The following IMMP2L variants were observed in gnomAD, a reference collection of about 807,000 sequenced individuals.
IMMP2L encodes inner mitochondrial membrane peptidase subunit 2.
A neutral mutation model predicts 19.3 loss-of-function variants in IMMP2L; 18 were observed. The ratio of observed to expected loss-of-function variants is 0.93; its 90% CI spans 0.64 to 1.38. The LOEUF is 1.38. Among genes scored for constraint, IMMP2L ranks in the 40% most tolerant of loss-of-function variants. The pLI is 0.00. For missense variants in IMMP2L, 233 were observed against 218.2 expected (o/e 1.07, Z -0.43); for synonymous variants, 76 against 73.0 (o/e 1.04, Z -0.21).
chr7:111,243,083 C>G (rs975792063), intron 3 of IMMP2L, among the ~76,000 whole-genome samples: 1 of 151,978 alleles, frequency 6.6e-6, no homozygotes, highest in African/African-American at 2.4e-5. Context: ...GTTACTAAAA[C>G]AAAATTCTTA....
At chr7:110,792,679 T>C (rs1039893466) in intron 5 of IMMP2L, among the ~76,000 whole-genome samples, 1 of 152,030 alleles carries the variant, frequency 6.6e-6, no homozygotes, top group Non-Finnish European at 1.5e-5. Context: ...TTCTGACACA[T>C]CATTATCTCC....
rs549686263 is a variant in IMMP2L, at chr7:111,470,051, A to G, written c.239+17187T>C. 7.2e-5 allele frequency among the ~76,000 whole-genome samples: 11 copies of G among 152,304 alleles called. No homozygotes were observed. The South Asian group carries it at 2.3e-3, about 32-fold the overall frequency. On this transcript the variant is annotated intron_variant, in intron 3 of 5. Coordinates refer to ENST00000405709, the MANE Select transcript of IMMP2L (RefSeq NM_032549.4). ...AAGAAAAAAATAAACAACCCCATCA[A>G]AAAGTGGGTGAAGGACATGAACAGA...
At chr7:110,939,321 TTTTC>T (rs1816458442) in intron 4 of IMMP2L, among the ~76,000 whole-genome samples, 1 of 151,636 alleles carries the variant, frequency 6.6e-6, no homozygotes, top group Non-Finnish European at 1.5e-5. Context: ...AAATCTGTGT[TTTTC>T]AGTGTCCCAA....
chr7:111,021,408 A>C (rs968503137), intron 3 of IMMP2L, among the ~76,000 whole-genome samples: 13 of 152,228 alleles, frequency 8.5e-5, no homozygotes, highest in Admixed American at 2.6e-4. Context: ...GTCTGTTCTC[A>C]CGCTGCTAAT....
At chr7:111,016,756 AAT>A (rs1427628662) in intron 3 of IMMP2L, among the ~76,000 whole-genome samples, 1 of 96,008 alleles carries the variant, frequency 1.0e-5, no homozygotes, top group Non-Finnish European at 1.8e-5. Context: ...ATATTATATA[AAT>A]ATAGTTTATA....
At position 110,694,803 on chromosome 7, in the gene IMMP2L, A is replaced by G. The variant is rs1054028021; in HGVS notation, c.409-31082T>C. On this transcript the variant is annotated intron_variant, in intron 5 of 5. Coordinates refer to ENST00000405709, the MANE Select transcript of IMMP2L (RefSeq NM_032549.4). ...TGTTCATAGTAGCACTGTTTACAAT[A>G]GTTAAAAGTGACTGGATGGGTGGAT... 5.9e-5 allele frequency among the ~76,000 whole-genome samples: 9 copies of G among 152,354 alleles called. No homozygotes were observed. The East Asian group carries it at 1.5e-3, about 26-fold the overall frequency.
At chr7:111,133,931 T>C (rs1802083602) in intron 3 of IMMP2L, among the ~76,000 whole-genome samples, 1 of 152,094 alleles carries the variant, frequency 6.6e-6, no homozygotes. Flanking sequence ...ATTTTAAAAA[T>C]ACATCTCCTA....
At chr7:110,800,985 A>G (rs1035102741) in intron 5 of IMMP2L, among the ~76,000 whole-genome samples, 3 of 152,090 alleles carry the variant, frequency 2.0e-5, no homozygotes, top group Non-Finnish European at 4.4e-5. Flanking sequence ...ATCAGGCACT[A>G]AAAACAAAAA....
intron 3 of IMMP2L, among the ~76,000 whole-genome samples, chr7:111,010,420 T>C (rs1824817460): frequency 6.6e-6 from 1 of 152,086 alleles, no homozygotes; most frequent in Non-Finnish European, 1.5e-5. Flanking sequence ...ATTCACAGAT[T>C]AGTATATTCA....
intron 5 of IMMP2L, among the ~76,000 whole-genome samples, chr7:110,665,852 C>T (rs938060962): frequency 6.6e-6 from 1 of 152,084 alleles, no homozygotes; most frequent in African/African-American, 2.4e-5. Context: ...TCCTATATGC[C>T]AGCTATATTT....
At chr7:111,517,333 G>C (rs1164267568) in intron 2 of IMMP2L, among the ~76,000 whole-genome samples, 1 of 151,632 alleles carries the variant, frequency 6.6e-6, no homozygotes, top group Non-Finnish European at 1.5e-5. Context: ...TTATCTCTAA[G>C]GTCTGACCTA....
intron 3 of IMMP2L, among the ~76,000 whole-genome samples, chr7:111,132,608 A>G (rs1227567507): frequency 6.6e-6 from 1 of 152,032 alleles, no homozygotes; most frequent in East Asian, 1.9e-4. Flanking sequence ...CTGACGTGTA[A>G]TCTATTGCAA....
At position 110,988,381 on chromosome 7, in the gene IMMP2L, G is replaced by A. The variant is rs531900769; in HGVS notation, c.240-24816C>T. ...AACAGATAGTAGAGGTTCAAGCATG[G>A]GAAATATCTTGGAAACAGATCTATA... On this transcript the variant is annotated intron_variant, in intron 3 of 5. Transcript: ENST00000405709. Among the ~76,000 whole-genome samples the A allele has an allele frequency of 2.0e-5, 3 of 152,256 alleles. No homozygotes were observed. The South Asian group carries it at 6.2e-4, about 32-fold the overall frequency.
intron 3 of IMMP2L, among the ~76,000 whole-genome samples, chr7:111,383,880 A>G (rs1158430059): frequency 6.6e-6 from 1 of 152,094 alleles, no homozygotes; most frequent in Admixed American, 6.6e-5. Context: ...TTATCAAGGA[A>G]GTTTTCTCTG....
intron 3 of IMMP2L, among the ~76,000 whole-genome samples, chr7:110,982,080 T>G (rs535154202): frequency 6.6e-6 from 1 of 152,260 alleles, no homozygotes; most frequent in Non-Finnish European, 1.5e-5. Context: ...AATGTTCCAA[T>G]GAGAATTGGT....
At chr7:111,301,426 C>G (rs1436272933) in intron 3 of IMMP2L, among the ~76,000 whole-genome samples, 1 of 151,630 alleles carries the variant, frequency 6.6e-6, no homozygotes, top group African/African-American at 2.4e-5. Context: ...TTTGTCTTTC[C>G]ATTCTCTCTT....
intron 3 of IMMP2L, among the ~76,000 whole-genome samples, chr7:111,036,480 T>C (rs935390781): frequency 6.6e-6 from 1 of 152,224 alleles, no homozygotes; most frequent in Non-Finnish European, 1.5e-5. Flanking sequence ...TATGACATTA[T>C]AAATTTGGCT....
At chr7:110,674,669 T>C (rs1792166016) in intron 5 of IMMP2L, among the ~76,000 whole-genome samples, 2 of 152,198 alleles carry the variant, frequency 1.3e-5, no homozygotes, top group Admixed American at 6.5e-5. Flanking sequence ...TATCCAAAAT[T>C]TGAAATGTTG....
intron 5 of IMMP2L, among the ~76,000 whole-genome samples, chr7:110,699,530 G>A (rs1329322130): frequency 6.6e-6 from 1 of 152,104 alleles, no homozygotes; most frequent in Non-Finnish European, 1.5e-5. Context: ...CAGCACTTTG[G>A]GAGGCCGAGG....
Sources: allele counts gnomAD v4.1 joint callset (sites outside exome capture counted in the v4.1 genomes callset), GRCh38; gene constraint gnomAD v4.1.1; transcripts MANE v1.5; gene names NCBI Gene and HGNC (gene_info 2026-07-23, HGNC 2026-07-21).